The following RIC8B variants were observed in gnomAD, a reference collection of about 807,000 sequenced individuals.
RIC8B encodes the protein RIC8 guanine nucleotide exchange factor B.
Under a neutral mutation model 57.5 loss-of-function variants are expected in RIC8B, and 16 were observed. That is an observed-to-expected ratio of 0.28 (90% CI 0.19 to 0.42). The LOEUF is 0.42. Among genes scored for constraint, RIC8B ranks in the 10% least tolerant of loss-of-function variants. The probability of loss-of-function intolerance (pLI) is 1.00; values close to 1 mark genes in which losing one functional copy is unlikely to be tolerated. For synonymous variants in RIC8B, 216 were observed against 250.8 expected, an observed-to-expected ratio of 0.86 and a Z score of 1.31; for missense variants, 481 against 677.0, an observed-to-expected ratio of 0.71 and a Z score of 3.21.
At chr12:106,872,669 C>CAAAA (rs11396158) in intron 9 of RIC8B, among the ~76,000 whole-genome samples, 8 of 92,818 alleles carry the variant, frequency 8.6e-5, no homozygotes, top group African/African-American at 1.7e-4. Flanking sequence ...AACTCTGTCT[C>CAAAA]AAAAAAAAAA....
chr12:106,781,575 A>G (rs2043764890), intron 1 of RIC8B, among the ~76,000 whole-genome samples: 1 of 152,196 alleles, frequency 6.6e-6, no homozygotes, highest in South Asian at 2.1e-4. Context: ...ACAGACCATT[A>G]TATTTTCTAA....
chr12:106,787,071 A>G (rs1044645674), intron 2 of RIC8B, among the ~76,000 whole-genome samples: 3 of 152,164 alleles, frequency 2.0e-5, no homozygotes, highest in African/African-American at 7.2e-5. Context: ...TTTATTTCCA[A>G]TAGGGTAGTA....
intron 6 of RIC8B, among the ~76,000 whole-genome samples, chr12:106,850,256 A>C (rs948197757): frequency 2.0e-4 from 31 of 152,340 alleles, no homozygotes; most frequent in African/African-American, 7.0e-4. Context: ...TGGTGCCAAA[A>C]GGTTGGGGAC....
At chr12:106,870,710 C>T in intron 8 of RIC8B, 113 bp from the exon 9 acceptor site, 1 of 744,612 alleles carries the variant, frequency 1.3e-6, no homozygotes, top group East Asian at 2.9e-5. Flanking sequence ...GAAATTATTG[C>T]CAATTTTTTG....
At chr12:106,785,809 CTCTCTGTGTGTGTG>C (rs1285495428) in intron 2 of RIC8B, among the ~76,000 whole-genome samples, 3 of 128,118 alleles carry the variant, frequency 2.3e-5, no homozygotes, top group Admixed American at 8.2e-5. Flanking sequence ...CTCTCTCTCT[CTCTCTGTGTGTGTG>C]TGTGTGTGTG....
intron 8 of RIC8B, among the ~76,000 whole-genome samples, chr12:106,866,912 G>T (rs1950164758): frequency 6.6e-6 from 1 of 152,106 alleles, no homozygotes; most frequent in East Asian, 1.9e-4. Flanking sequence ...AGTAGCTGTG[G>T]TTTCCTTCCT....
intron 4 of RIC8B, among the ~76,000 whole-genome samples, chr12:106,828,109 T>A (rs1481754021): frequency 1.3e-5 from 2 of 152,250 alleles, no homozygotes; most frequent in African/African-American, 4.8e-5. Context: ...TTTGCTTTTG[T>A]CTTAAAAGTT....
chr12:106,831,485 C>G (rs778242852), intron 4 of RIC8B, among the ~76,000 whole-genome samples: 3 of 152,156 alleles, frequency 2.0e-5, no homozygotes, highest in Non-Finnish European at 2.9e-5. Flanking sequence ...TTCTGCACCC[C>G]CTTGTCCTCA....
At chr12:106,782,215 T>C (rs1183321973) in intron 1 of RIC8B, among the ~76,000 whole-genome samples, 1 of 152,216 alleles carries the variant, frequency 6.6e-6, no homozygotes, top group Non-Finnish European at 1.5e-5. Flanking sequence ...CTTTTTTTCT[T>C]CCACTATGTT....
chr12:106,842,882 C>A, intron 5 of RIC8B, 65 bp downstream of exon 5: 1 of 932,238 alleles, frequency 1.1e-6, no homozygotes, highest in Non-Finnish European at 1.7e-6. Context: ...GCCATACATA[C>A]AGACACACAT....
chr12:106,860,914 A>C (rs1329709101), intron 8 of RIC8B, among the ~76,000 whole-genome samples: 1 of 152,168 alleles, frequency 6.6e-6, no homozygotes, highest in African/African-American at 2.4e-5. Context: ...AATTTTAATC[A>C]AACAAACATA....
rs1043154362 is a variant in RIC8B at position 106,775,682 on chromosome 12, C to CT, written c.84+856dup. 5.9e-5 allele frequency among the ~76,000 whole-genome samples: 9 copies of CT among 152,358 alleles called. No individual in the cohort carries two copies. The East Asian group carries it at 1.2e-3, about 20-fold the overall frequency. ...AAATCCCAGTCACTTCTCAGAACCT[C>CT]TTTCCAAGAACCGTTAGCTCTTCAT... On this transcript the variant is annotated intron_variant, in intron 1 of 9. Transcript: ENST00000392837.
intron 8 of RIC8B, among the ~76,000 whole-genome samples, chr12:106,869,405 G>A (rs1003204913): frequency 2.0e-5 from 3 of 151,930 alleles, no homozygotes; most frequent in Admixed American, 2.0e-4. Context: ...CTGGCTACCA[G>A]AAGATTTAAT....
chr12:106,781,100 C>A (rs1309052325), intron 1 of RIC8B, among the ~76,000 whole-genome samples: 1 of 152,100 alleles, frequency 6.6e-6, no homozygotes, highest in Admixed American at 6.5e-5. Context: ...CTTGCTTGAT[C>A]TCTAAATTGA....
intron 8 of RIC8B, among the ~76,000 whole-genome samples, chr12:106,862,967 A>G (rs1487263702): frequency 6.6e-6 from 1 of 152,124 alleles, no homozygotes; most frequent in African/African-American, 2.4e-5. Context: ...GTGTATGTCT[A>G]GCCAGGTTTG....
chr12:106,845,369 C>G (rs1949138901), intron 6 of RIC8B, among the ~76,000 whole-genome samples: 1 of 152,188 alleles, frequency 6.6e-6, no homozygotes, highest in Non-Finnish European at 1.5e-5. Flanking sequence ...TCTCCTCACT[C>G]TCATTTCTTG....
At chr12:106,774,877 C>A in intron 1 of RIC8B, 48 bp downstream of exon 1, 1 of 1,414,404 alleles carries the variant, frequency 7.1e-7, no homozygotes, top group Admixed American at 2.4e-5. Context: ...CCCGGGCCGC[C>A]CTCCGTGCTT....
chr12:106,795,375 G>T (rs2136209133), intron 2 of RIC8B, among the ~76,000 whole-genome samples: 1 of 152,218 alleles, frequency 6.6e-6, no homozygotes, highest in South Asian at 2.1e-4. Flanking sequence ...ATAGGCAAAA[G>T]AAAGAAAAGA....
rs868736478 is a variant in RIC8B at position 106,839,612 on chromosome 12, G to A, written c.837-2977G>A. Among the ~76,000 whole-genome samples, 11 of 152,210 alleles carry A rather than the reference G, an allele frequency of 7.2e-5. No individual in the cohort carries two copies. In the South Asian group the frequency reaches 2.3e-3, roughly 32 times the overall value. Reference sequence around the variant, plus strand: ...GCAAGATAAGGTCTGGAGATCTCCTGTGTAGCAGAGCCTATAGTTAGCAAT... The same window carrying A: ...GCAAGATAAGGTCTGGAGATCTCCTATGTAGCAGAGCCTATAGTTAGCAAT... On this transcript the variant is annotated intron_variant, in intron 4 of 9. Transcript: ENST00000392837.
Sources: allele counts gnomAD v4.1 joint callset (sites outside exome capture counted in the v4.1 genomes callset), GRCh38; gene constraint gnomAD v4.1.1; transcripts MANE v1.5; gene names NCBI Gene and HGNC (gene_info 2026-07-23, HGNC 2026-07-21).